The following PSKH1 variants were observed in gnomAD, a reference collection of about 807,000 sequenced individuals.
The protein encoded by PSKH1 is protein serine kinase H1, also known as serine/threonine-protein kinase H1.
A neutral mutation model predicts 26.7 loss-of-function variants in PSKH1; 12 were observed. The observed-to-expected ratio is 0.45, with a 90% CI of 0.29 to 0.73. PSKH1 has a LOEUF of 0.73. Ranked by LOEUF, PSKH1 falls within the 30% of genes least tolerant of loss-of-function variation. The probability of loss-of-function intolerance (pLI) is 0.11; values close to 1 mark genes in which losing one functional copy is unlikely to be tolerated. For missense variants in PSKH1, 431 were observed against 595.2 expected (o/e 0.72, Z 2.87); for synonymous variants, 213 against 234.3 (o/e 0.91, Z 0.83).
intron 1 of PSKH1, among the ~76,000 whole-genome samples, chr16:67,900,912 C>T (rs1445367563): frequency 6.6e-6 from 1 of 152,136 alleles, no homozygotes; most frequent in African/African-American, 2.4e-5. Flanking sequence ...GGGCTAGGGG[C>T]ACACACAAGA....
intron 2 of PSKH1, among the ~76,000 whole-genome samples, chr16:67,925,198 ATT>A (rs11325565): frequency 7.2e-5 from 10 of 139,374 alleles, no homozygotes; most frequent in Admixed American, 1.4e-4. Context: ...CAATATGAAT[ATT>A]TTTTTTTTTT....
chr16:67,897,045 T>C (rs2058128513), intron 1 of PSKH1, among the ~76,000 whole-genome samples: 1 of 152,224 alleles, frequency 6.6e-6, no homozygotes, highest in African/African-American at 2.4e-5. Flanking sequence ...ACTTAGGTCC[T>C]CTTCACAGCT....
chr16:67,921,654 C>A (rs2058203038), intron 2 of PSKH1, among the ~76,000 whole-genome samples: 2 of 152,182 alleles, frequency 1.3e-5, no homozygotes, highest in African/African-American at 4.8e-5. Flanking sequence ...CTCAGCGGAA[C>A]CCTTGATGAG....
At chr16:67,903,664 C>A (rs1215139625) in intron 1 of PSKH1, among the ~76,000 whole-genome samples, 1 of 151,842 alleles carries the variant, frequency 6.6e-6, no homozygotes, top group Non-Finnish European at 1.5e-5. Flanking sequence ...CCCCACACAT[C>A]CAAAACTGAA....
chr16:67,903,712 C>T (rs1193184523), intron 1 of PSKH1, among the ~76,000 whole-genome samples: 1 of 152,020 alleles, frequency 6.6e-6, no homozygotes, highest in Non-Finnish European at 1.5e-5. Context: ...CTTCTTGCTA[C>T]ACTCCTGACC....
intron 1 of PSKH1, among the ~76,000 whole-genome samples, chr16:67,899,914 G>A (rs548363479): frequency 6.6e-6 from 1 of 151,840 alleles, no homozygotes; most frequent in Non-Finnish European, 1.5e-5. Flanking sequence ...CTCCCAAAGT[G>A]CTAGGATTCC....
At chr16:67,908,547 G>A (rs2058162932) in intron 1 of PSKH1, 133 bp from the exon 2 acceptor site, 1 of 526,520 alleles carries the variant, frequency 1.9e-6, no homozygotes, top group East Asian at 2.9e-5. Flanking sequence ...GGGATTACAG[G>A]TGTGAGCCAT....
chr16:67,917,540 G>A (rs998537366), intron 2 of PSKH1, among the ~76,000 whole-genome samples: 1 of 152,250 alleles, frequency 6.6e-6, no homozygotes, highest in Admixed American at 6.5e-5. Flanking sequence ...GTGATAACTG[G>A]TGGGGGAATT....
At chr16:67,895,665 C>T (rs1324889065) in intron 1 of PSKH1, among the ~76,000 whole-genome samples, 1 of 152,200 alleles carries the variant, frequency 6.6e-6, no homozygotes, top group East Asian at 1.9e-4. Flanking sequence ...TCTCAGCCTC[C>T]CAAAGTGCTG....
chr16:67,908,812 CAAG>C lies in PSKH1; in HGVS notation c.67_69del (p.Lys23del). The C allele has an allele frequency of 6.2e-7, 1 of 1,612,938 alleles. No homozygotes were observed. The highest frequency in any genetic ancestry group is 8.5e-7 in the Non-Finnish European group (1 of 1,179,298). On this transcript the variant is annotated inframe_deletion, in exon 2 of 3. Coordinates refer to ENST00000291041, the MANE Select transcript of PSKH1 (RefSeq NM_006742.3). The stretch of plus-strand genomic sequence containing the variant: ...CCAAGGATGTCCAGCTGGATCTGGT[CAAG>C]AAGGTGGAGCCCTTCAGTGGCACTA...
chr16:67,905,087 A>G (rs1388482684), intron 1 of PSKH1, among the ~76,000 whole-genome samples: 2 of 151,704 alleles, frequency 1.3e-5, no homozygotes, highest in East Asian at 1.9e-4. Flanking sequence ...CGGCCTCCCA[A>G]AGTGCTGGGA....
intron 2 of PSKH1, among the ~76,000 whole-genome samples, chr16:67,915,390 A>G (rs560258667): frequency 5.3e-5 from 8 of 152,010 alleles, no homozygotes; most frequent in Non-Finnish European, 1.0e-4. Context: ...ATCAGATTCT[A>G]TCACCCGCTG....
chr16:67,900,475 G>A (rs185713898), intron 1 of PSKH1, among the ~76,000 whole-genome samples: 1 of 152,252 alleles, frequency 6.6e-6, no homozygotes, highest in Admixed American at 6.5e-5. Flanking sequence ...AGCTTTGTGG[G>A]TTCACCAACT....
Position 67,927,507 on chromosome 16 carries a change from C to T in PSKH1, c.1140C>T (p.Ser380=), listed in dbSNP as rs369756751. 3 of 1,614,066 alleles carry T rather than the reference C, an allele frequency of 1.9e-6. No individual in the cohort carries two copies. The highest frequency in any genetic ancestry group is 2.5e-6 in the Non-Finnish European group (3 of 1,180,056). ...CCCAGAACCTCCTTAAACGTGCCTC[C>T]TCGCGCTGCCAGAGCACCAAATCTG... is the stretch of plus-strand genomic sequence containing the variant. ...SISQNLLKRA[S]SRCQSTKSAQ... The change falls in exon 3 of 3, where the codon TCC becomes TCT. Residue 380 remains serine (S), a synonymous_variant. Transcript: ENST00000291041. The surrounding 1 kb of genome is among the most constrained non-coding windows in gnomAD (Gnocchi z 5.5).
Position 67,927,972 on chromosome 16 carries a change from CT to C in PSKH1, c.*334del. Reference sequence around the variant, plus strand: ...CTTCACTGTCTCCCTTGCCCTTTGACTTTTCCCCAATCAAAGGGAACTGCAG... The same window carrying C: ...CTTCACTGTCTCCCTTGCCCTTTGACTTTCCCCAATCAAAGGGAACTGCAG... On this transcript the variant is annotated 3_prime_UTR_variant, in exon 3 of 3. Transcript: ENST00000291041. The surrounding 1 kb of genome is among the most constrained non-coding windows in gnomAD (Gnocchi z 5.5). 1 of 345,774 alleles carries C rather than the reference CT, an allele frequency of 2.9e-6. No individual in the cohort carries two copies. Among genetic ancestry groups the C allele is most frequent in the Non-Finnish European group, 5.3e-6 (1 of 186,976 alleles). 21.4% of individuals were successfully genotyped at this position (345,774 alleles called of 1,614,324 possible). A position where few individuals can be genotyped will look rare whatever the true frequency, so the allele number is the denominator to read the frequency against.
intron 2 of PSKH1, among the ~76,000 whole-genome samples, chr16:67,912,100 A>G (rs987384590): frequency 1.3e-5 from 2 of 152,166 alleles, no homozygotes; most frequent in Non-Finnish European, 2.9e-5. Context: ...GTCCTGGCCC[A>G]CTGTCATTCT....
chr16:67,902,641 C>G (rs898170537), intron 1 of PSKH1, among the ~76,000 whole-genome samples: 2 of 152,118 alleles, frequency 1.3e-5, no homozygotes, highest in African/African-American at 2.4e-5. Context: ...GAGGACCAGA[C>G]TAGGTCCTCA....
At chr16:67,910,641 TACAGGCCCGCATC>T (rs1247397596) in intron 2 of PSKH1, among the ~76,000 whole-genome samples, 1 of 152,086 alleles carries the variant, frequency 6.6e-6, no homozygotes, top group African/African-American at 2.4e-5. Flanking sequence ...GACCTGGGAT[TACAGGCCCGCATC>T]ACCTCCCCCA....
At chr16:67,905,356 A>T (rs1029704006) in intron 1 of PSKH1, among the ~76,000 whole-genome samples, 3 of 152,004 alleles carry the variant, frequency 2.0e-5, no homozygotes, top group Non-Finnish European at 4.4e-5. Context: ...CCATTCCTAG[A>T]TGCAGGATGT....
Sources: allele counts gnomAD v4.1 joint callset (sites outside exome capture counted in the v4.1 genomes callset), GRCh38; gene constraint gnomAD v4.1.1; non-coding constraint Gnocchi (gnomAD v3.1); transcripts MANE v1.5; gene names NCBI Gene and HGNC (gene_info 2026-07-23, HGNC 2026-07-21).